The following COL18A1 variants were observed in gnomAD, a reference collection of about 807,000 sequenced individuals.
COL18A1 encodes the protein collagen type XVIII alpha 1 chain.
A neutral mutation model predicts 168.0 loss-of-function variants in COL18A1; 133 were observed. The observed-to-expected ratio is 0.79, with a 90% confidence interval of 0.69 to 0.91. The LOEUF is 0.91. COL18A1 is among the 40% of genes least tolerant of loss of function. COL18A1 has a pLI of 0.00. For missense variants in COL18A1, 2,126 were observed against 1,925.4 expected (o/e 1.10, Z -1.95); for synonymous variants, 949 against 809.0 (o/e 1.17, Z -2.94).
chr21:45,442,522 CGGGTAGTA>C (rs1569291690), intron 2 of COL18A1, among the ~76,000 whole-genome samples: 1 of 152,252 alleles, frequency 6.6e-6, no homozygotes, highest in African/African-American at 2.4e-5. Context: ...TCTCTGTCGC[CGGGTAGTA>C]GCAGGGCCGG....
intron 2 of COL18A1, chr21:45,421,103 G>C: frequency 3.5e-6 from 1 of 282,410 alleles, no homozygotes; most frequent in Non-Finnish European, 7.0e-6. Context: ...TCCCTGCCCG[G>C]TACCGGGTCA....
In COL18A1 at chr21:45,473,784, C is replaced by T. The variant is rs1224412438; in HGVS notation, c.652-111C>T. On this transcript the variant is annotated intron_variant, in intron 3 of 41. Transcript: ENST00000651438. This position sits in a 1 kb window ranked among gnomAD's most constrained non-coding sequence, Gnocchi z 4.0. ...GGCTGCCCGAGACCCCTTCCCTCTCCGAGACTCTCCTGCCCTTTGTGGGCC... is the reference window on the plus strand; with the variant it reads ...GGCTGCCCGAGACCCCTTCCCTCTCTGAGACTCTCCTGCCCTTTGTGGGCC... The T allele has an allele frequency of 4.5e-5, 40 of 897,466 alleles. No homozygotes were observed. Among genetic ancestry groups the T allele is most frequent in the African/African-American group, 4.9e-5 (3 of 60,658 alleles). 55.6% of individuals were successfully genotyped at this position (897,466 alleles called of 1,614,324 possible).
At position 45,494,570 on chromosome 21, in the gene COL18A1, C is replaced by G. The variant is rs367551698; in HGVS notation, c.2378C>G (p.Pro793Arg). The G allele has an allele frequency of 3.7e-6, 6 of 1,613,182 alleles. No homozygotes were observed. In the Admixed American group the frequency reaches 5.0e-5, roughly 13 times the overall value. Residue 793 changes from proline to arginine, a missense_variant and splice_region_variant, in exon 27 of 42, where the codon CCG (proline) becomes CGG (arginine). Physicochemically the swap from Pro to Arg is moderately radical, Grantham distance 103. Coordinates refer to ENST00000651438, the MANE Select transcript of COL18A1 (RefSeq NM_001379500.1). The stretch of plus-strand genomic sequence containing the variant: ...GGAGAGCCGGGCTTCCGAGGACCCC[C>G]GGTAAGTCGGTCCCTGGCTTTCTCT... ...AKGEPGFRGP[P>R]GPYGRPGYKG...
intron 2 of COL18A1, among the ~76,000 whole-genome samples, chr21:45,413,752 C>T (rs1414706220): frequency 1.4e-5 from 2 of 139,822 alleles, no homozygotes; most frequent in Non-Finnish European, 1.5e-5. Flanking sequence ...GCAAAGGCCC[C>T]GCCAGCCATG....
At chr21:45,417,506 C>T (rs376029551) in intron 2 of COL18A1, among the ~76,000 whole-genome samples, 10 of 152,166 alleles carry the variant, frequency 6.6e-5, no homozygotes, top group African/African-American at 2.2e-4. Context: ...TCTTCCGACT[C>T]GAGGGTCTCA....
At position 45,512,310 on chromosome 21, in the gene COL18A1, G is replaced by A. The variant is rs2037659615; in HGVS notation, c.3932G>A (p.Gly1311Asp). 2.5e-6 allele frequency: 4 copies of A among 1,612,468 alleles called. No homozygotes were observed. Among genetic ancestry groups the A allele is most frequent in the Non-Finnish European group, 3.4e-6 (4 of 1,179,786 alleles). The change falls in exon 42 of 42, where the codon GGC (glycine) becomes GAC (aspartate). Residue 1311 changes from glycine to aspartate, a missense_variant. Transcript: ENST00000651438. The part of the protein sequence containing the change: ...ATGQASSLLG[G>D]RLLGQSAASC... ...GGCCAGGCCTCCTCGCTGCTGGGGG[G>A]CAGGCTCCTGGGGCAGAGTGCCGCG...
chr21:45,479,551 TAC>T (rs1323583007), intron 9 of COL18A1, among the ~76,000 whole-genome samples: 1 of 147,140 alleles, frequency 6.8e-6, no homozygotes, highest in Non-Finnish European at 1.5e-5. Context: ...ACATCACACA[TAC>T]ATATCACACA....
In COL18A1 at chr21:45,468,587, C is replaced by T. The variant is rs1482505480; in HGVS notation, c.452C>T (p.Ala151Val). 2 of 1,613,670 alleles carry T rather than the reference C, an allele frequency of 1.2e-6. No individual in the cohort carries two copies. The highest frequency in any genetic ancestry group is 1.7e-6 in the Non-Finnish European group (2 of 1,180,036). The stretch of plus-strand genomic sequence containing the variant: ...GGTGCAGGCCAGACCCACACAGCCG[C>T]CAGCTTCCGGCTCCCCGCCTTCGTC... ...EPGAGQTHTAASFRLPAFVGQ... is the reference protein window; with the variant it reads ...EPGAGQTHTAVSFRLPAFVGQ... Residue 151 changes from alanine to valine, a missense_variant, in exon 3 of 42, where the codon GCC becomes GTC. By Grantham distance (64) the Ala-to-Val change is moderately conservative. Transcript: ENST00000651438.
In COL18A1 at chr21:45,468,684, C is replaced by T. The variant is rs991812237; in HGVS notation, c.549C>T (p.Phe183=). 1.9e-6 allele frequency: 3 copies of T among 1,613,760 alleles called. No homozygotes were observed. ...CCCTCTACGTGGACTGTGAGGAGTT[C>T]CAGAGAATGCCGCTTGCTCGGTCCT... ...FVALYVDCEE[F]QRMPLARSSR... is the part of the protein sequence containing the mutation. Residue 183 remains phenylalanine (F), a synonymous_variant, in exon 3 of 42, where the codon TTC becomes TTT. Transcript: ENST00000651438.
chr21:45,511,063 TCCACACCC>T (rs1410664043), intron 40 of COL18A1, 40 bp from the exon 41 acceptor site: 4 of 598,268 alleles, frequency 6.7e-6, no homozygotes, highest in Admixed American at 5.6e-5. Context: ...CCCACACCCA[TCCACACCC>T]CCACACACCA....
At chr21:45,495,073 C>A in intron 28 of COL18A1, 158 bp downstream of exon 28, 1 of 713,388 alleles carries the variant, frequency 1.4e-6, no homozygotes, top group Non-Finnish European at 2.4e-6. Flanking sequence ...AGCTCTTGTC[C>A]TGGATGTGGC....
chr21:45,441,844 G>T (rs926677116), intron 2 of COL18A1, among the ~76,000 whole-genome samples: 1 of 152,174 alleles, frequency 6.6e-6, no homozygotes, highest in Admixed American at 6.5e-5. Context: ...CTGGGAACAC[G>T]GCTCTCTCCA....
In COL18A1 at chr21:45,422,168, TCACA is replaced by T. The variant is rs113434535; in HGVS notation, c.106+16710_106+16713del. Among the ~76,000 whole-genome samples, 50 of 150,694 alleles carry T rather than the reference TCACA, an allele frequency of 3.3e-4. 1 individual carries two copies. The highest frequency in any genetic ancestry group is 3.4e-3 in the Middle Eastern group (1 of 290). On this transcript the variant is annotated intron_variant, in intron 2 of 41. Transcript: ENST00000651438. ...ATACACATGGCTCACACACATGGGC[TCACA>T]CACACACACACACATGCAGGCACAC...
rs1397561617 is a variant in COL18A1, at chr21:45,471,462, A to G, written c.652-2433A>G. Among the ~76,000 whole-genome samples the G allele has an allele frequency of 1.3e-5, 2 of 152,122 alleles. No individual in the cohort carries two copies. The highest frequency in any genetic ancestry group is 2.9e-5 in the Non-Finnish European group (2 of 68,026). ...ACAGAGCTTTGGGAGCAGGGAGGAA[A>G]CCGAGGCTTCCTCCTCCTCAGCCTC... On this transcript the variant is annotated intron_variant, in intron 3 of 41. Transcript: ENST00000651438. This position sits in a 1 kb window ranked among gnomAD's most constrained non-coding sequence, Gnocchi z 4.4.
At chr21:45,444,800 T>C (rs1223563966) in intron 2 of COL18A1, among the ~76,000 whole-genome samples, 1 of 152,134 alleles carries the variant, frequency 6.6e-6, no homozygotes, top group Non-Finnish European at 1.5e-5. Flanking sequence ...TAAAAGTTGA[T>C]ATAGCCCCTC....
At chr21:45,414,414 T>C (rs1379131091) in intron 2 of COL18A1, among the ~76,000 whole-genome samples, 1 of 152,246 alleles carries the variant, frequency 6.6e-6, no homozygotes, top group Non-Finnish European at 1.5e-5. Flanking sequence ...CTCAGGTTGT[T>C]AGTCACACGT....
chr21:45,501,991 T>C (rs11700494), intron 32 of COL18A1, among the ~76,000 whole-genome samples: 378 of 29,780 alleles, frequency 0.013, 19 homozygotes, highest in Middle Eastern at 0.067. Context: ...AGAAGGACCC[T>C]CAGGGGCTCC....
At chr21:45,483,320 C>G (rs145873766) in intron 15 of COL18A1, among the ~76,000 whole-genome samples, 1 of 152,204 alleles carries the variant, frequency 6.6e-6, no homozygotes, top group Non-Finnish European at 1.5e-5. Context: ...GAAGGCAGCC[C>G]GGGTGTCCTT....
Position 45,405,211 on chromosome 21 carries a change from C to T in COL18A1, c.-20C>T. ...GCGGAGGAGGCAGCATCCCGCGGCGCTGACGGTCCTGGGGAGAGCATGGCG... is the reference window on the plus strand; with the variant it reads ...GCGGAGGAGGCAGCATCCCGCGGCGTTGACGGTCCTGGGGAGAGCATGGCG... On this transcript the variant is annotated 5_prime_UTR_variant, in exon 1 of 42. Transcript: ENST00000651438. The T allele has an allele frequency of 1.3e-5, 2 of 152,142 alleles. 1 individual carries two copies. Among genetic ancestry groups the T allele is most frequent in the Non-Finnish European group, 2.3e-5 (2 of 87,866 alleles). 9.4% of individuals were successfully genotyped at this position (152,142 alleles called of 1,614,324 possible).
Sources: gnomAD v4.1 joint callset for allele counts (sites outside exome capture counted in the v4.1 genomes callset) on GRCh38, gnomAD v4.1.1 for gene constraint, Gnocchi (gnomAD v3.1) non-coding constraint, MANE v1.5 for transcripts, NCBI Gene and HGNC (gene_info 2026-07-23, HGNC 2026-07-21) for gene names.